GNS: variants seen among roughly 807,000 people sequenced by gnomAD.
GNS encodes N-acetylglucosamine-6-sulfatase.
In GNS, 40 loss-of-function variants were observed where a neutral mutation model predicts 69.7. The ratio of observed to expected loss-of-function variants is 0.57; its 90% CI spans 0.45 to 0.75. The LOEUF (loss-of-function observed/expected upper bound fraction) is 0.75. Ranked by LOEUF, GNS falls within the 30% of genes least tolerant of loss-of-function variation. The pLI, the probability that GNS is intolerant of heterozygous loss-of-function variation, is 0.00. For missense variants in GNS, 565 were observed against 685.5 expected (o/e 0.82, Z 1.96); for synonymous variants, 243 against 251.6 (o/e 0.97, Z 0.32).
chr12:64,740,010 C>T (rs959374656), intron 7 of GNS, among the ~76,000 whole-genome samples: 1 of 152,210 alleles, frequency 6.6e-6, no homozygotes, highest in African/African-American at 2.4e-5. Context: ...TATTGGACCA[C>T]AACCATGCTC....
chr12:64,729,139 C>A (rs541797683), intron 9 of GNS, 82 bp from the exon 10 acceptor site: 8 of 780,748 alleles, frequency 1.0e-5, no homozygotes, highest in Middle Eastern at 2.3e-4. Context: ...CTCTTCCCCC[C>A]ACCCCGCCCA....
Position 64,747,922 on chromosome 12 carries a change from CAAAGG to C in GNS, c.253-9_253-5del. 1 of 1,551,240 alleles carries C rather than the reference CAAAGG, an allele frequency of 6.4e-7. No homozygotes were observed. The highest frequency in any genetic ancestry group is 8.9e-7 in the Non-Finnish European group (1 of 1,122,844). Reference sequence around the variant, plus strand: ...AGCAGAGAGCACTTGGCACATACTACAAAGGAAAGGAAGCAAAAACGACAAAGTCA... The same window carrying C: ...AGCAGAGAGCACTTGGCACATACTACAAAGGAAGCAAAAACGACAAAGTCA... On this transcript the variant is annotated splice_polypyrimidine_tract_variant and splice_region_variant and intron_variant, in intron 2 of 13. Transcript: ENST00000258145.
intron 2 of GNS, among the ~76,000 whole-genome samples, chr12:64,752,061 G>A (rs567425838): frequency 1.3e-5 from 2 of 151,768 alleles, no homozygotes; most frequent in East Asian, 3.9e-4. Flanking sequence ...GAAGATTTTG[G>A]TACTCCCTTT....
At chr12:64,745,902 G>C (rs1869884942) in intron 3 of GNS, 178 bp from the exon 4 acceptor site, 1 of 607,766 alleles carries the variant, frequency 1.6e-6, no homozygotes, top group Non-Finnish European at 3.0e-6. Flanking sequence ...TCTAAAGCAG[G>C]AGTTGGCAAA....
chr12:64,750,098 GTGC>G (rs1437089297), intron 2 of GNS, among the ~76,000 whole-genome samples: 3 of 152,100 alleles, frequency 2.0e-5, no homozygotes, highest in African/African-American at 7.2e-5. Flanking sequence ...CCAGGCTGGA[GTGC>G]AGTGGCACAG....
Position 64,721,542 on chromosome 12 carries a change from C to CA in GNS, c.1419+52dup. 4 of 878,508 alleles carry CA rather than the reference C, an allele frequency of 4.6e-6. No homozygotes were observed. The South Asian group carries it at 5.2e-5, about 11-fold the overall frequency. The allele number at this position is 878,508 out of a possible 1,614,324, so 54.4% of individuals were successfully genotyped here. ...CTCTTATGCCACCAAGTCCAGCCAA[C>CA]AAAGCACCAGCAAGAAAGGAGCGGG... On this transcript the variant is annotated intron_variant, in intron 12 of 13. Coordinates refer to ENST00000258145, the MANE Select transcript of GNS (RefSeq NM_002076.4).
chr12:64,738,780 T>C (rs1869631100), intron 8 of GNS, among the ~76,000 whole-genome samples: 1 of 151,696 alleles, frequency 6.6e-6, no homozygotes, highest in Admixed American at 6.6e-5. Flanking sequence ...GCTACTGTAC[T>C]CCAGCCTGGG....
rs886049765 is a variant in GNS, at chr12:64,715,895, G to T, written c.*846C>A. ...AGACAACCTTCACCAACTCTTGGCA[G>T]TTCTTCACTGCTGATGTTCCTAAGC... On this transcript the variant is annotated 3_prime_UTR_variant, in exon 14 of 14. Transcript: ENST00000258145. The T allele has an allele frequency of 6.6e-6, 1 of 152,292 alleles. No individual in the cohort carries two copies. The highest frequency in any genetic ancestry group is 2.4e-5 in the African/African-American group (1 of 41,448). The allele number at this position is 152,292 out of a possible 1,614,324, so 9.4% of individuals were successfully genotyped here.
chr12:64,745,507 A>G, intron 4 of GNS, 152 bp downstream of exon 4: 2 of 704,956 alleles, frequency 2.8e-6, no homozygotes, highest in Non-Finnish European at 5.2e-6. Context: ...GGCGTGAGCC[A>G]CTACACCTGG....
rs565513273 is a variant in GNS at position 64,754,813 on chromosome 12, C to G, written c.193-2056G>C. ...CTGAGGTGGGAGGATTGTTTGTGCC[C>G]AGAAGTTCGAGGCTGCAGTGAGCTA... On this transcript the variant is annotated intron_variant, in intron 1 of 13. Coordinates refer to ENST00000258145, the MANE Select transcript of GNS (RefSeq NM_002076.4). 8.6e-5 allele frequency among the ~76,000 whole-genome samples: 13 copies of G among 151,104 alleles called. No individual in the cohort carries two copies. In the South Asian group the frequency reaches 2.3e-3, roughly 27 times the overall value.
At chr12:64,733,269 G>A (rs1869461083) in intron 9 of GNS, among the ~76,000 whole-genome samples, 1 of 112,722 alleles carries the variant, frequency 8.9e-6, no homozygotes, top group Non-Finnish European at 1.6e-5. Context: ...CCACACTCCA[G>A]CCTAAGTTAC....
chr12:64,737,950 G>A (rs940637260), intron 8 of GNS, among the ~76,000 whole-genome samples: 3 of 151,984 alleles, frequency 2.0e-5, no homozygotes, highest in African/African-American at 4.8e-5. Context: ...CTGTAAATTC[G>A]TGGCAAATGA....
intron 1 of GNS, among the ~76,000 whole-genome samples, chr12:64,757,105 G>A (rs1005945211): frequency 6.6e-6 from 1 of 152,166 alleles, no homozygotes; most frequent in African/African-American, 2.4e-5. Context: ...CTTGAGACTA[G>A]GAGTTCAAGG....
At position 64,753,617 on chromosome 12, in the gene GNS, T is replaced by C. The variant is rs193110866; in HGVS notation, c.193-860A>G. Reference sequence around the variant, plus strand: ...TGAATGCAGTTTTAAGTATATTTTGTTGTGCAATAATTCCTTAAAGATTGC... The same window carrying C: ...TGAATGCAGTTTTAAGTATATTTTGCTGTGCAATAATTCCTTAAAGATTGC... On this transcript the variant is annotated intron_variant, in intron 1 of 13. Transcript: ENST00000258145. Among the ~76,000 whole-genome samples the C allele has an allele frequency of 2.6e-5, 4 of 152,356 alleles. No homozygotes were observed. The East Asian group carries it at 7.7e-4, about 29-fold the overall frequency.
At chr12:64,736,788 C>T (rs1363034406) in intron 9 of GNS, among the ~76,000 whole-genome samples, 1 of 151,960 alleles carries the variant, frequency 6.6e-6, no homozygotes, top group African/African-American at 2.4e-5. Context: ...GCTATGCATT[C>T]TAATGAGACA....
intron 13 of GNS, 82 bp downstream of exon 13, chr12:64,719,940 A>T: frequency 1.1e-6 from 1 of 901,670 alleles, no homozygotes; most frequent in South Asian, 1.3e-5. Flanking sequence ...ATCTCACAGC[A>T]AAAAGGGCTC....
At chr12:64,752,120 G>A (rs1870099531) in intron 2 of GNS, among the ~76,000 whole-genome samples, 1 of 151,930 alleles carries the variant, frequency 6.6e-6, no homozygotes, top group Non-Finnish European at 1.5e-5. Context: ...TTTGTCCAAG[G>A]TCACACTGCT....
At chr12:64,736,958 A>G in intron 9 of GNS, 46 bp downstream of exon 9, 1 of 925,970 alleles carries the variant, frequency 1.1e-6, no homozygotes, top group Non-Finnish European at 1.8e-6. Context: ...TTATTTTCTC[A>G]GGCAAGTGCC....
chr12:64,742,216 T>G lies in GNS; in HGVS notation c.792+925A>C, dbSNP rs142581570. Among the ~76,000 whole-genome samples, 1,427 of 152,206 alleles carry G rather than the reference T, an allele frequency of 9.4e-3. 11 individuals are homozygous for G. Among genetic ancestry groups the G allele is most frequent in the Middle Eastern group, 0.041 (12 of 294 alleles). ...TTTGTACTTTTAGTAGAGATGGGGT[T>G]TCACTGTGTTAGCCAGGATGGTCTC... is the stretch of plus-strand genomic sequence containing the variant. On this transcript the variant is annotated intron_variant, in intron 6 of 13. Coordinates refer to ENST00000258145, the MANE Select transcript of GNS (RefSeq NM_002076.4).
Sources: gnomAD v4.1 joint callset for allele counts (sites outside exome capture counted in the v4.1 genomes callset) on GRCh38, gnomAD v4.1.1 for gene constraint, MANE v1.5 for transcripts, NCBI Gene and HGNC (gene_info 2026-07-23, HGNC 2026-07-21) for gene names.